The following NELL1 variants were observed in gnomAD, a reference collection of about 807,000 sequenced individuals.
NELL1 encodes the protein protein kinase C-binding protein NELL1.
In NELL1, 76 loss-of-function variants were observed where a neutral mutation model predicts 107.4. The observed-to-expected ratio is 0.71, with a 90% CI of 0.59 to 0.86. NELL1 has a LOEUF of 0.86. NELL1 is among the 40% of genes least tolerant of loss of function. The pLI is 0.00. For synonymous variants in NELL1, 353 were observed against 341.2 expected (o/e 1.03, Z -0.38); for missense variants, 1,024 against 1,005.5 (o/e 1.02, Z -0.25).
At chr11:20,699,889 T>G (rs1854727650) in intron 2 of NELL1, among the ~76,000 whole-genome samples, 2 of 152,214 alleles carry the variant, frequency 1.3e-5, no homozygotes, top group South Asian at 4.1e-4. Context: ...TGGTTTACAT[T>G]CTTACCAGCA....
chr11:21,482,804 T>C (rs1198861531), intron 15 of NELL1, among the ~76,000 whole-genome samples: 1 of 151,844 alleles, frequency 6.6e-6, no homozygotes, highest in Non-Finnish European at 1.5e-5. Flanking sequence ...TCCTTTTGTT[T>C]GTTTGTTTGT....
At chr11:21,135,596 A>G (rs1855727906) in intron 13 of NELL1, among the ~76,000 whole-genome samples, 1 of 152,168 alleles carries the variant, frequency 6.6e-6, no homozygotes, top group Admixed American at 6.5e-5. Context: ...TATTTGAAAA[A>G]CAGGAATGAT....
intron 13 of NELL1, among the ~76,000 whole-genome samples, chr11:21,120,720 T>C (rs145935912): frequency 0.01 from 1,561 of 152,298 alleles, 28 homozygotes; most frequent in African/African-American, 0.035. Context: ...ACTTTTTGCT[T>C]GTTAAAGATA....
At chr11:20,679,959 T>C (rs1854150272) in intron 2 of NELL1, among the ~76,000 whole-genome samples, 1 of 152,050 alleles carries the variant, frequency 6.6e-6, no homozygotes, top group Non-Finnish European at 1.5e-5. Flanking sequence ...CTCTACTTTC[T>C]AATCTGTGCA....
chr11:21,357,214 C>A (rs1850954849), intron 14 of NELL1, among the ~76,000 whole-genome samples: 1 of 152,130 alleles, frequency 6.6e-6, no homozygotes, highest in Non-Finnish European at 1.5e-5. Flanking sequence ...ACTTTTAGTT[C>A]TTTAAGGAAT....
chr11:21,070,376 T>C (rs529857203), intron 12 of NELL1, among the ~76,000 whole-genome samples: 6 of 152,234 alleles, frequency 3.9e-5, no homozygotes, highest in African/African-American at 1.4e-4. Context: ...CTGGATGAAC[T>C]TTAATCTAGA....
Position 20,790,528 on chromosome 11 carries a change from G to A in NELL1, c.335+6698G>A, listed in dbSNP as rs564085590. 1.9e-4 allele frequency among the ~76,000 whole-genome samples: 29 copies of A among 152,332 alleles called. No homozygotes were observed. The South Asian group carries it at 5.4e-3, about 28-fold the overall frequency. On this transcript the variant is annotated intron_variant, in intron 3 of 19. Transcript: ENST00000357134. ...CAGGTCTCCAAGAGTGCAGGGATGC[G>A]TGGGCCCACAGCTGCAGCTGTGAAG...
At position 21,322,870 on chromosome 11, in the gene NELL1, G is replaced by A. The variant is rs143674611; in HGVS notation, c.1550-47983G>A. Among the ~76,000 whole-genome samples, 1,156 of 152,130 alleles carry A rather than the reference G, an allele frequency of 7.6e-3. 18 individuals carry two copies. Among genetic ancestry groups the A allele is most frequent in the African/African-American group, 0.027 (1,108 of 41,510 alleles). ...CATTCCTCCCTCTTTGACTAGGCAA[G>A]CAATTTCTCCCAATTTCCTGCTTTG... On this transcript the variant is annotated intron_variant, in intron 14 of 19. Transcript: ENST00000357134.
At chr11:21,566,727 C>T (rs1336260101) in intron 17 of NELL1, among the ~76,000 whole-genome samples, 1 of 151,846 alleles carries the variant, frequency 6.6e-6, no homozygotes, top group East Asian at 2.0e-4. Context: ...TCCATACTCT[C>T]CCCAAATTTA....
chr11:20,806,721 A>G (rs918175446), intron 3 of NELL1, among the ~76,000 whole-genome samples: 1 of 151,960 alleles, frequency 6.6e-6, no homozygotes. Context: ...TGTGCTTCAT[A>G]GTGTTTTATT....
intron 15 of NELL1, among the ~76,000 whole-genome samples, chr11:21,517,280 G>A (rs1182000662): frequency 6.6e-6 from 1 of 152,142 alleles, no homozygotes; most frequent in Non-Finnish European, 1.5e-5. Context: ...TATGTTTTAT[G>A]TGTCCTGCCC....
chr11:21,432,413 T>C (rs1852990132), intron 15 of NELL1, among the ~76,000 whole-genome samples: 1 of 152,172 alleles, frequency 6.6e-6, no homozygotes, highest in Non-Finnish European at 1.5e-5. Context: ...CTTCAAGCCA[T>C]TAATTTATTG....
intron 2 of NELL1, among the ~76,000 whole-genome samples, chr11:20,685,508 A>T (rs1038126062): frequency 6.6e-6 from 1 of 152,042 alleles, no homozygotes; most frequent in African/African-American, 2.4e-5. Context: ...CTGTACTTTA[A>T]GGTTAATGTA....
intron 12 of NELL1, among the ~76,000 whole-genome samples, chr11:21,020,439 A>T (rs1412890190): frequency 6.6e-6 from 1 of 152,132 alleles, no homozygotes. Flanking sequence ...ATGCTCTACT[A>T]TGGTGGCACC....
intron 14 of NELL1, chr11:21,284,489 T>G (rs1048839765): frequency 1.3e-5 from 6 of 459,394 alleles, no homozygotes; most frequent in Non-Finnish European, 2.6e-5. Flanking sequence ...CTTCCTCCAG[T>G]GCTGTGGGGG....
At chr11:21,549,427 TGAGG>T (rs1856523510) in intron 16 of NELL1, among the ~76,000 whole-genome samples, 2 of 152,086 alleles carry the variant, frequency 1.3e-5, no homozygotes, top group East Asian at 3.9e-4. Flanking sequence ...TGCAGGTTCT[TGAGG>T]AAGATACATG....
chr11:20,699,050 C>G (rs546551420), intron 2 of NELL1, among the ~76,000 whole-genome samples: 1 of 152,098 alleles, frequency 6.6e-6, no homozygotes, highest in South Asian at 2.1e-4. Context: ...AACCCTGTCT[C>G]TACTAAAAAT....
At chr11:20,714,970 G>A (rs1338423898) in intron 2 of NELL1, among the ~76,000 whole-genome samples, 2 of 152,062 alleles carry the variant, frequency 1.3e-5, no homozygotes, top group Non-Finnish European at 1.5e-5. Context: ...TAGGACGGGA[G>A]CGGTGGCTCA....
intron 2 of NELL1, among the ~76,000 whole-genome samples, chr11:20,687,263 G>A (rs1313540920): frequency 6.6e-6 from 1 of 151,752 alleles, no homozygotes; most frequent in East Asian, 1.9e-4. Context: ...TTTGATATAG[G>A]CATACAATGT....
Sources: gnomAD v4.1 joint callset for allele counts (sites outside exome capture counted in the v4.1 genomes callset) on GRCh38, gnomAD v4.1.1 for gene constraint, MANE v1.5 for transcripts, NCBI Gene and HGNC (gene_info 2026-07-23, HGNC 2026-07-21) for gene names.